NCKAP1L: variants seen among roughly 807,000 people sequenced by gnomAD.
NCKAP1L encodes the protein nck-associated protein 1-like.
A neutral mutation model predicts 139.2 loss-of-function variants in NCKAP1L; 53 were observed. That is an observed-to-expected ratio of 0.38 (90% CI 0.31 to 0.48). The LOEUF is 0.48. Among genes scored for constraint, NCKAP1L ranks in the 20% least tolerant of loss-of-function variants. The pLI is 0.98. For missense variants in NCKAP1L, 1,151 were observed against 1,381.9 expected, an observed-to-expected ratio of 0.83 and a Z score of 2.65; for synonymous variants, 468 against 499.7, an observed-to-expected ratio of 0.94 and a Z score of 0.85.
intron 1 of NCKAP1L, among the ~76,000 whole-genome samples, chr12:54,498,399 TTGTGTG>T (rs766272206): frequency 0.11 from 16,007 of 142,304 alleles, 1,205 homozygotes; most frequent in African/African-American, 0.22. Flanking sequence ...GCTGTGGTGG[TTGTGTG>T]TGTGTGTGTG....
chr12:54,512,799 A>T (rs1223383924), intron 9 of NCKAP1L, among the ~76,000 whole-genome samples: 2 of 147,888 alleles, frequency 1.4e-5, no homozygotes, highest in African/African-American at 5.2e-5. Flanking sequence ...TGTATGTGTG[A>T]GTAATTGTGT....
intron 11 of NCKAP1L, among the ~76,000 whole-genome samples, chr12:54,517,276 A>C (rs1283685716): frequency 6.6e-6 from 1 of 152,216 alleles, no homozygotes. Flanking sequence ...TTCAAACCAC[A>C]TAAATGCCCA....
chr12:54,516,328 G>C (rs1311632353), intron 10 of NCKAP1L, 33 bp downstream of exon 10: 4 of 1,591,220 alleles, frequency 2.5e-6, no homozygotes, highest in Non-Finnish European at 3.4e-6. Flanking sequence ...TCTGAGAGGG[G>C]ATGGAATAGG....
At chr12:54,534,751 C>T (rs929216038) in intron 26 of NCKAP1L, among the ~76,000 whole-genome samples, 4 of 152,196 alleles carry the variant, frequency 2.6e-5, no homozygotes, top group South Asian at 2.1e-4. Flanking sequence ...TAAATTTGTA[C>T]GATGGAGTGT....
chr12:54,524,009 T>C, intron 20 of NCKAP1L, 53 bp downstream of exon 20: 2 of 1,570,222 alleles, frequency 1.3e-6, no homozygotes, highest in Non-Finnish European at 1.7e-6. Flanking sequence ...TACCCTACCA[T>C]ATACCTCTAT....
chr12:54,520,170 T>C (rs1035423572), intron 16 of NCKAP1L, among the ~76,000 whole-genome samples: 2 of 152,204 alleles, frequency 1.3e-5, no homozygotes, highest in Admixed American at 6.5e-5. Context: ...TGGGGAGATA[T>C]AATACCTATA....
At chr12:54,524,878 A>G (rs1957015073) in intron 20 of NCKAP1L, among the ~76,000 whole-genome samples, 1 of 152,048 alleles carries the variant, frequency 6.6e-6, no homozygotes, top group African/African-American at 2.4e-5. Context: ...TTTTAGATGG[A>G]GTGTCCAGGA....
intron 24 of NCKAP1L, 29 bp from the exon 25 acceptor site, chr12:54,531,714 T>A (rs765736799): frequency 6.2e-7 from 1 of 1,608,432 alleles, no homozygotes; most frequent in Non-Finnish European, 8.5e-7. Flanking sequence ...CTCTAAATTA[T>A]CTTTTCTAAC....
Position 54,519,349 on chromosome 12 carries a change from AG to A in NCKAP1L, c.1625+18del. 1 of 1,469,490 alleles carries A rather than the reference AG, an allele frequency of 6.8e-7. No homozygotes were observed. The highest frequency in any genetic ancestry group is 9.0e-7 in the Non-Finnish European group (1 of 1,112,748). 91.0% of individuals were successfully genotyped at this position (1,469,490 alleles called of 1,614,324 possible). A position where few individuals can be genotyped will look rare whatever the true frequency, so the allele number is the denominator to read the frequency against. On this transcript the variant is annotated intron_variant, in intron 16 of 30. Coordinates refer to ENST00000293373, the MANE Select transcript of NCKAP1L (RefSeq NM_005337.5). ...TACTTTCTGGTATGTCTTGGTTCAG[AG>A]CTCTCTTTAAAAAGTTTTATTGTTT...
intron 22 of NCKAP1L, among the ~76,000 whole-genome samples, chr12:54,530,591 T>A (rs1425720475): frequency 6.6e-6 from 1 of 152,140 alleles, no homozygotes. Context: ...AGATCTTAGA[T>A]GAGGAAATAG....
At chr12:54,505,728 T>A (rs1324853442) in intron 3 of NCKAP1L, among the ~76,000 whole-genome samples, 1 of 151,540 alleles carries the variant, frequency 6.6e-6, no homozygotes, top group Non-Finnish European at 1.5e-5. Context: ...AATGGTGTGA[T>A]CTTGGCTCAC....
intron 13 of NCKAP1L, 79 bp from the exon 14 acceptor site, chr12:54,518,572 G>C (rs771210381): frequency 9.3e-7 from 1 of 1,075,744 alleles, no homozygotes; most frequent in Non-Finnish European, 1.5e-6. Flanking sequence ...ACCTTCATAC[G>C]CTGACTGAGC....
chr12:54,520,515 G>T (rs1418439972), intron 16 of NCKAP1L, among the ~76,000 whole-genome samples, 179 bp from the exon 17 acceptor site: 1 of 152,146 alleles, frequency 6.6e-6, no homozygotes, highest in Non-Finnish European at 1.5e-5. Flanking sequence ...TATCTTAAGG[G>T]TTACAGAAAT....
At chr12:54,512,975 T>C (rs1592341075) in intron 9 of NCKAP1L, among the ~76,000 whole-genome samples, 1 of 152,150 alleles carries the variant, frequency 6.6e-6, no homozygotes, top group South Asian at 2.1e-4. Flanking sequence ...GTTATAAAAA[T>C]GAAGATGTTG....
At chr12:54,529,756 C>T (rs1957053085) in intron 22 of NCKAP1L, among the ~76,000 whole-genome samples, 1 of 152,194 alleles carries the variant, frequency 6.6e-6, no homozygotes, top group Non-Finnish European at 1.5e-5. Flanking sequence ...CTACCACCCC[C>T]ACCCCAATTT....
chr12:54,502,623 A>G (rs1481674406), intron 3 of NCKAP1L, among the ~76,000 whole-genome samples: 1 of 152,074 alleles, frequency 6.6e-6, no homozygotes, highest in African/African-American at 2.4e-5. Flanking sequence ...CAACCCTAAT[A>G]TAATTATCAT....
chr12:54,515,584 G>A (rs1956923324), intron 9 of NCKAP1L, among the ~76,000 whole-genome samples: 1 of 152,154 alleles, frequency 6.6e-6, no homozygotes, highest in Non-Finnish European at 1.5e-5. Context: ...GAGAGGTGAG[G>A]AAGTAGAGAG....
At chr12:54,540,956 G>C (rs1458637506) in intron 30 of NCKAP1L, among the ~76,000 whole-genome samples, 1 of 152,228 alleles carries the variant, frequency 6.6e-6, no homozygotes, top group African/African-American at 2.4e-5. Context: ...AATTGGAAAT[G>C]ACCGAAGGTG....
intron 30 of NCKAP1L, 29 bp from the exon 31 acceptor site, chr12:54,542,546 T>G: frequency 2.6e-6 from 4 of 1,524,328 alleles, no homozygotes; most frequent in Non-Finnish European, 3.6e-6. Flanking sequence ...CTACCTGAGG[T>G]TCTCATCTCT....
Sources: gnomAD v4.1 joint callset for allele counts (sites outside exome capture counted in the v4.1 genomes callset) on GRCh38, gnomAD v4.1.1 for gene constraint, MANE v1.5 for transcripts, NCBI Gene and HGNC (gene_info 2026-07-23, HGNC 2026-07-21) for gene names.